The following LSM14A variants were observed in gnomAD, a reference collection of about 807,000 sequenced individuals.
LSM14A encodes the protein LSM14A mRNA processing body assembly factor, also known as protein LSM14 homolog A.
In LSM14A, 14 loss-of-function variants were observed where a neutral mutation model predicts 52.4. That is an observed-to-expected ratio of 0.27 (90% CI 0.18 to 0.42). The LOEUF is 0.42. Ranked by LOEUF, LSM14A falls within the 10% of genes least tolerant of loss-of-function variation. LSM14A has a pLI of 1.00. For synonymous variants in LSM14A, 185 were observed against 200.3 expected (o/e 0.92, Z 0.64); for missense variants, 417 against 581.8 (o/e 0.72, Z 2.91).
intron 9 of LSM14A, 125 bp downstream of exon 9, chr19:34,221,863 T>A: frequency 6.9e-7 from 1 of 1,444,752 alleles, no homozygotes; most frequent in Non-Finnish European, 9.1e-7. Context: ...CATTTTGACT[T>A]TTCAGTAGAG....
chr19:34,186,343 T>G (rs1335302973), intron 1 of LSM14A, among the ~76,000 whole-genome samples: 3 of 152,198 alleles, frequency 2.0e-5, no homozygotes, highest in Non-Finnish European at 4.4e-5. Context: ...ATGTTTCTGT[T>G]TAAGTATTTT....
intron 1 of LSM14A, among the ~76,000 whole-genome samples, chr19:34,173,553 GA>G (rs1362389247): frequency 6.6e-6 from 1 of 152,174 alleles, no homozygotes; most frequent in Non-Finnish European, 1.5e-5. Flanking sequence ...ATTCGGCCGA[GA>G]AGGAAGGTGC....
At chr19:34,209,744 C>T (rs1168302427) in intron 4 of LSM14A, among the ~76,000 whole-genome samples, 2 of 151,758 alleles carry the variant, frequency 1.3e-5, no homozygotes, top group Non-Finnish European at 2.9e-5. Flanking sequence ...CCTGTATTGC[C>T]CAGGCTGGTC....
intron 1 of LSM14A, among the ~76,000 whole-genome samples, chr19:34,182,585 C>T (rs2069560579): frequency 6.6e-6 from 1 of 151,392 alleles, no homozygotes. Flanking sequence ...TGCCTGTAAT[C>T]CTAACACTTT....
At chr19:34,189,546 T>C (rs1338783697) in intron 1 of LSM14A, among the ~76,000 whole-genome samples, 1 of 152,142 alleles carries the variant, frequency 6.6e-6, no homozygotes, top group Admixed American at 6.5e-5. Flanking sequence ...GTATTTACAT[T>C]GGAATGTGTA....
chr19:34,202,700 G>A (rs2145721570), intron 3 of LSM14A, among the ~76,000 whole-genome samples: 1 of 152,246 alleles, frequency 6.6e-6, no homozygotes, highest in South Asian at 2.1e-4. Flanking sequence ...TTGCTGCCCA[G>A]GCTGGAGTGC....
intron 1 of LSM14A, among the ~76,000 whole-genome samples, chr19:34,177,951 A>C (rs1484198020): frequency 6.6e-6 from 1 of 152,182 alleles, no homozygotes; most frequent in African/African-American, 2.4e-5. Flanking sequence ...ACCTGAAGTC[A>C]GAAGCTCGAG....
chr19:34,207,217 A>T (rs1307138637), intron 3 of LSM14A, among the ~76,000 whole-genome samples: 1 of 152,204 alleles, frequency 6.6e-6, no homozygotes, highest in Non-Finnish European at 1.5e-5. Context: ...TGCTCTAACC[A>T]TTGAATGCGT....
chr19:34,220,150 G>A (rs1006632126), intron 8 of LSM14A, among the ~76,000 whole-genome samples: 1 of 151,934 alleles, frequency 6.6e-6, no homozygotes, highest in African/African-American at 2.4e-5. Flanking sequence ...TCATTTTTTT[G>A]TAGAGATGGG....
chr19:34,190,550 AGT>A (rs2070292608), intron 1 of LSM14A, among the ~76,000 whole-genome samples: 2 of 151,998 alleles, frequency 1.3e-5, no homozygotes, highest in East Asian at 3.9e-4. Flanking sequence ...AAAAAAAAAA[AGT>A]GTATCAAGTG....
chr19:34,211,749 A>G (rs1195944954), intron 4 of LSM14A, among the ~76,000 whole-genome samples: 1 of 151,448 alleles, frequency 6.6e-6, no homozygotes, highest in Non-Finnish European at 1.5e-5. Flanking sequence ...TAACTGCACT[A>G]CCTCACTCCA....
At chr19:34,180,838 C>T (rs774104005) in intron 1 of LSM14A, among the ~76,000 whole-genome samples, 3 of 152,130 alleles carry the variant, frequency 2.0e-5, no homozygotes, top group East Asian at 3.8e-4. Context: ...AATTTATGTT[C>T]GCTAGCCTCC....
intron 3 of LSM14A, among the ~76,000 whole-genome samples, chr19:34,202,461 C>T (rs2071370450): frequency 1.3e-5 from 2 of 150,704 alleles, no homozygotes; most frequent in Non-Finnish European, 2.9e-5. Flanking sequence ...CCACTGCACT[C>T]CAGCTTGGGA....
chr19:34,196,241 T>G (rs1400513630), intron 2 of LSM14A, among the ~76,000 whole-genome samples: 1 of 152,154 alleles, frequency 6.6e-6, no homozygotes, highest in Non-Finnish European at 1.5e-5. Flanking sequence ...TGATTGAAAA[T>G]AAGAGTAAAA....
intron 8 of LSM14A, among the ~76,000 whole-genome samples, chr19:34,220,359 A>G (rs1242464368): frequency 6.6e-6 from 1 of 152,228 alleles, no homozygotes; most frequent in African/African-American, 2.4e-5. Context: ...TTGTTTAAGG[A>G]TATATTCATA....
intron 1 of LSM14A, among the ~76,000 whole-genome samples, chr19:34,185,442 A>G (rs180971224): frequency 6.6e-6 from 1 of 152,290 alleles, no homozygotes; most frequent in East Asian, 1.9e-4. Flanking sequence ...TAGTGTGGGT[A>G]AGGGTGAAGA....
At chr19:34,196,507 T>G (rs1292582035) in intron 2 of LSM14A, 127 bp from the exon 3 acceptor site, 1 of 857,302 alleles carries the variant, frequency 1.2e-6, no homozygotes, top group African/African-American at 1.8e-5. Context: ...AAGTGCATAT[T>G]GTAATTCATT....
rs1417717256 is a variant in LSM14A, at chr19:34,215,167, C to G, written c.582C>G (p.Thr194=). The G allele has an allele frequency of 6.2e-7, 1 of 1,613,636 alleles. No homozygotes were observed. Residue 194 remains threonine, a synonymous_variant, in exon 5 of 10, where the codon ACC becomes ACG. Coordinates refer to ENST00000544216, the MANE Select transcript of LSM14A (RefSeq NM_015578.4). The stretch of plus-strand genomic sequence containing the variant: ...TAGACCCTTTGAGAAAAAGCCCAAC[C>G]ATGGAACAAGCAGTGCAGACCGCCT... ...PQLDPLRKSP[T]MEQAVQTASA...
At chr19:34,223,580 T>C (rs899476333) in intron 9 of LSM14A, among the ~76,000 whole-genome samples, 1 of 152,242 alleles carries the variant, frequency 6.6e-6, no homozygotes, top group Non-Finnish European at 1.5e-5. Flanking sequence ...GAGGTATCCA[T>C]GATTGTGGCC....
Sources: gnomAD v4.1 joint callset for allele counts (sites outside exome capture counted in the v4.1 genomes callset) on GRCh38, gnomAD v4.1.1 for gene constraint, MANE v1.5 for transcripts, NCBI Gene and HGNC (gene_info 2026-07-23, HGNC 2026-07-21) for gene names.